Variants in MAN1C1 observed in about 807,000 individuals in gnomAD.
The protein encoded by MAN1C1 is mannosidase alpha class 1C member 1.
MAN1C1 carries 49 observed loss-of-function variants against 71.5 expected under a neutral mutation model. The observed-to-expected ratio is 0.69, with a 90% CI of 0.54 to 0.87. The LOEUF (loss-of-function observed/expected upper bound fraction) is 0.87, where lower values mean the gene tolerates loss of function less well. MAN1C1 is among the 40% of genes least tolerant of loss of function. The pLI is 0.00. For synonymous variants in MAN1C1, 352 were observed against 343.7 expected (o/e 1.02, Z -0.27); for missense variants, 743 against 835.0 (o/e 0.89, Z 1.36).
chr1:25,753,991 G>C lies in MAN1C1; in HGVS notation c.929+413G>C, dbSNP rs78001781. Among the ~76,000 whole-genome samples the C allele has an allele frequency of 8.9e-3, 1,354 of 152,176 alleles. 5 individuals are homozygous for C. The highest frequency in any genetic ancestry group is 0.016 in the South Asian group (75 of 4,820). The stretch of plus-strand genomic sequence containing the variant: ...CACTCTCTTCCCCCGCTGGGGTTCC[G>C]GAGCCAGCAGGCACATCACACCATC... On this transcript the variant is annotated intron_variant, in intron 5 of 11. Transcript: ENST00000374332. This position sits in a 1 kb window ranked among gnomAD's most constrained non-coding sequence, Gnocchi z 4.9.
intron 2 of MAN1C1, among the ~76,000 whole-genome samples, chr1:25,698,966 C>T (rs2046402138): frequency 6.9e-6 from 1 of 144,146 alleles, no homozygotes; most frequent in South Asian, 2.2e-4. Context: ...AAAAAAAAAG[C>T]TTCTTGGGAA....
chr1:25,690,288 C>CTTTTTTTTT (rs33932251), intron 2 of MAN1C1, among the ~76,000 whole-genome samples: 3 of 119,758 alleles, frequency 2.5e-5, no homozygotes, highest in African/African-American at 7.3e-5. Flanking sequence ...ATCTCTGCCT[C>CTTTTTTTTT]TTTTTTTTTT....
chr1:25,668,735 T>G (rs2045956964), intron 1 of MAN1C1, among the ~76,000 whole-genome samples: 1 of 152,022 alleles, frequency 6.6e-6, no homozygotes, highest in Non-Finnish European at 1.5e-5. Context: ...TTTTTTTGTA[T>G]TTTTAGTAGA....
intron 1 of MAN1C1, among the ~76,000 whole-genome samples, chr1:25,685,721 C>T (rs1330986197): frequency 6.6e-6 from 1 of 152,190 alleles, no homozygotes; most frequent in Non-Finnish European, 1.5e-5. Context: ...TTGTGCCAAG[C>T]CCTGTGCTGG....
chr1:25,749,656 C>T (rs1328145379), intron 4 of MAN1C1, among the ~76,000 whole-genome samples: 1 of 152,232 alleles, frequency 6.6e-6, no homozygotes, highest in Non-Finnish European at 1.5e-5. Context: ...CATTCTGCTG[C>T]CCAGGTGAGC....
At chr1:25,781,899 C>T (rs936930764) in intron 10 of MAN1C1, among the ~76,000 whole-genome samples, 2 of 152,256 alleles carry the variant, frequency 1.3e-5, no homozygotes, top group East Asian at 1.9e-4. Context: ...ATAGGCAACA[C>T]GGCAAAACCC....
rs1175006149 is a variant in MAN1C1 at position 25,776,832 on chromosome 1, G to A, written c.1258-1273G>A. ...GTGGAATCATAGGGGTCAGTAATTA[G>A]TGGGGACTCGCTCTGTGCTGGGAAA... On this transcript the variant is annotated intron_variant, in intron 8 of 11. Coordinates refer to ENST00000374332, the MANE Select transcript of MAN1C1 (RefSeq NM_020379.4). The surrounding 1 kb of genome is among the most constrained non-coding windows in gnomAD (Gnocchi z 4.3). Among the ~76,000 whole-genome samples the A allele has an allele frequency of 6.6e-6, 1 of 152,162 alleles. No homozygotes were observed. The highest frequency in any genetic ancestry group is 2.4e-5 in the African/African-American group (1 of 41,424).
intron 2 of MAN1C1, among the ~76,000 whole-genome samples, chr1:25,709,336 T>A (rs1316226408): frequency 6.6e-6 from 1 of 152,126 alleles, no homozygotes; most frequent in African/African-American, 2.4e-5. Context: ...TATTTTGCAG[T>A]CATAAAAACA....
intron 2 of MAN1C1, among the ~76,000 whole-genome samples, chr1:25,713,788 C>T (rs1327818539): frequency 3.3e-5 from 5 of 152,168 alleles, no homozygotes; most frequent in African/African-American, 4.8e-5. Context: ...AGAAGGCATT[C>T]CTTGGGCTCA....
intron 2 of MAN1C1, among the ~76,000 whole-genome samples, chr1:25,704,685 T>G (rs2046494851): frequency 6.6e-6 from 1 of 152,250 alleles, no homozygotes; most frequent in African/African-American, 2.4e-5. Context: ...GCTGATCCTG[T>G]TAAAATGTCT....
intron 2 of MAN1C1, among the ~76,000 whole-genome samples, chr1:25,740,334 G>A (rs1454455072): frequency 6.6e-6 from 1 of 152,132 alleles, no homozygotes; most frequent in Non-Finnish European, 1.5e-5. Context: ...CCCCAGGGAC[G>A]GGAAGGACTA....
chr1:25,622,574 A>G (rs950997041), intron 1 of MAN1C1, among the ~76,000 whole-genome samples: 1 of 152,238 alleles, frequency 6.6e-6, no homozygotes, highest in Non-Finnish European at 1.5e-5. Context: ...TTAGCGGCTC[A>G]GTGACCCAAG....
intron 2 of MAN1C1, among the ~76,000 whole-genome samples, chr1:25,699,562 C>T (rs1343038304): frequency 4.6e-5 from 7 of 152,278 alleles, no homozygotes; most frequent in Non-Finnish European, 1.5e-5. Context: ...GGATACCTGC[C>T]TTCTAATTGC....
At chr1:25,714,962 TACTAGATC>T (rs1442412597) in intron 2 of MAN1C1, among the ~76,000 whole-genome samples, 2 of 152,318 alleles carry the variant, frequency 1.3e-5, no homozygotes, top group East Asian at 3.9e-4. Flanking sequence ...AAGTTCAATT[TACTAGATC>T]ACTTGATTGA....
Position 25,746,522 on chromosome 1 carries a change from C to G in MAN1C1, c.638-146C>G, listed in dbSNP as rs910238349. On this transcript the variant is annotated intron_variant, in intron 2 of 11. Transcript: ENST00000374332. The surrounding 1 kb of genome is among the most constrained non-coding windows in gnomAD (Gnocchi z 4.0). ...CTCGGCGTCACCTTCGATGGTGGCA[C>G]TGGAGTCCCCCGGATGGTGCCTGAG... 32 of 691,464 alleles carry G rather than the reference C, an allele frequency of 4.6e-5. No homozygotes were observed. The highest frequency in any genetic ancestry group is 3.2e-4 in the African/African-American group (18 of 56,396). The allele number at this position is 691,464 out of a possible 1,614,324, so 42.8% of individuals were successfully genotyped here. A position where few individuals can be genotyped will look rare whatever the true frequency, so the allele number is the denominator to read the frequency against.
Position 25,731,336 on chromosome 1 carries a change from G to GTCATCATCA in MAN1C1, c.638-15304_638-15296dup, listed in dbSNP as rs61554526. ...AAAAATAACAATAATCATCATCATC[G>GTCATCATCA]TCATCATCATCATCATCATCATCAT... On this transcript the variant is annotated intron_variant, in intron 2 of 11. Transcript: ENST00000374332. Among the ~76,000 whole-genome samples, 77 of 150,648 alleles carry GTCATCATCA rather than the reference G, an allele frequency of 5.1e-4. 1 individual carries two copies. The highest frequency in any genetic ancestry group is 8.6e-4 in the African/African-American group (35 of 40,814).
chr1:25,681,357 G>A (rs970317047), intron 1 of MAN1C1, among the ~76,000 whole-genome samples: 4 of 152,222 alleles, frequency 2.6e-5, no homozygotes, highest in Non-Finnish European at 5.9e-5. Flanking sequence ...CTCTCCCAGT[G>A]AAGATGTGTA....
intron 2 of MAN1C1, among the ~76,000 whole-genome samples, chr1:25,703,815 T>C (rs1390926377): frequency 6.6e-6 from 1 of 152,236 alleles, no homozygotes; most frequent in Non-Finnish European, 1.5e-5. Flanking sequence ...TCACTGCTTC[T>C]GAAGTGTGAT....
At chr1:25,632,910 C>T (rs1238979308) in intron 1 of MAN1C1, among the ~76,000 whole-genome samples, 1 of 145,424 alleles carries the variant, frequency 6.9e-6, no homozygotes, top group Non-Finnish European at 1.5e-5. Context: ...GCTCTGTCAC[C>T]AGTCTGGAGT....
Sources: allele counts gnomAD v4.1 joint callset (sites outside exome capture counted in the v4.1 genomes callset), GRCh38; gene constraint gnomAD v4.1.1; non-coding constraint Gnocchi (gnomAD v3.1); transcripts MANE v1.5; gene names NCBI Gene and HGNC (gene_info 2026-07-23, HGNC 2026-07-21).